Variants in TTC3 observed in about 807,000 individuals in gnomAD.
The protein encoded by TTC3 is E3 ubiquitin-protein ligase TTC3.
Under a neutral mutation model 249.6 loss-of-function variants are expected in TTC3, and 180 were observed. The observed-to-expected ratio is 0.72, with a 90% confidence interval of 0.64 to 0.82. The LOEUF (loss-of-function observed/expected upper bound fraction) is 0.82, where lower values mean the gene tolerates loss of function less well. TTC3 is among the 40% of genes least tolerant of loss of function. The pLI is 0.00. For missense variants in TTC3, 2,061 were observed against 2,398.4 expected (o/e 0.86, Z 2.94); for synonymous variants, 717 against 805.0 (o/e 0.89, Z 1.85).
chr21:37,111,483 C>A (rs1306569152), intron 11 of TTC3, among the ~76,000 whole-genome samples: 2 of 152,192 alleles, frequency 1.3e-5, no homozygotes, highest in African/African-American at 4.8e-5. Context: ...GGGATCAATT[C>A]AACAAGAAGA....
intron 35 of TTC3, among the ~76,000 whole-genome samples, chr21:37,174,660 A>G (rs1601986054): frequency 1.3e-5 from 2 of 152,166 alleles, no homozygotes; most frequent in African/African-American, 4.8e-5. Context: ...AGAGAACAGA[A>G]AAACAGGGAA....
At chr21:37,121,894 A>G (rs775847249) in exon 12 of TTC3, 18 of 1,613,294 alleles carry the variant, frequency 1.1e-5, no homozygotes, top group South Asian at 4.4e-5. Context: ...TAAAAGCTCA[A>G]AAACTCTGTA....
intron 1 of TTC3, among the ~76,000 whole-genome samples, chr21:37,079,187 T>C (rs2071277476): frequency 6.6e-6 from 1 of 152,212 alleles, no homozygotes; most frequent in African/African-American, 2.4e-5. Flanking sequence ...TATTTAGATT[T>C]TTGTGTCTGT....
intron 1 of TTC3, among the ~76,000 whole-genome samples, chr21:37,074,772 A>G (rs1470440074): frequency 6.6e-6 from 1 of 152,212 alleles, no homozygotes; most frequent in Admixed American, 6.5e-5. Flanking sequence ...CGATTGCTCA[A>G]GGTTTCGTGC....
At chr21:37,118,161 T>TA (rs535612442) in intron 11 of TTC3, among the ~76,000 whole-genome samples, 24 of 152,128 alleles carry the variant, frequency 1.6e-4, no homozygotes, top group African/African-American at 5.5e-4. Flanking sequence ...TATTAAAGGA[T>TA]AAACTTCAGG....
chr21:37,195,686 G>A, exon 42 of TTC3: 1 of 1,608,786 alleles, frequency 6.2e-7, no homozygotes, highest in Non-Finnish European at 8.5e-7. Context: ...TTCATCCCGA[G>A]TTACTCCCTG....
intron 44 of TTC3, among the ~76,000 whole-genome samples, 157 bp from the exon 45 acceptor site, chr21:37,200,074 TA>T (rs1052706215): frequency 5.3e-5 from 8 of 152,238 alleles, no homozygotes; most frequent in Non-Finnish European, 1.2e-4. Flanking sequence ...GAAATGCTAT[TA>T]AAAAATAAGT....
chr21:37,157,271 G>A, intron 28 of TTC3: 1 of 1,071,622 alleles, frequency 9.3e-7, no homozygotes, highest in Non-Finnish European at 1.3e-6. Context: ...AGTAGGTGAT[G>A]TTTGCAGAAT....
At chr21:37,186,511 T>G (rs9980353) in intron 37 of TTC3, among the ~76,000 whole-genome samples, 81,102 of 152,032 alleles carry the variant, frequency 0.53, 22,290 homozygotes, top group African/African-American at 0.64. Context: ...GTGCAGTCAT[T>G]GCTCACTGCA....
intron 29 of TTC3, among the ~76,000 whole-genome samples, chr21:37,160,339 C>T (rs573886215): frequency 6.6e-6 from 1 of 152,280 alleles, no homozygotes; most frequent in East Asian, 1.9e-4. Flanking sequence ...TAATCTGCTC[C>T]ATCAAATATT....
chr21:37,191,159 TA>T (rs1442912014), intron 39 of TTC3, among the ~76,000 whole-genome samples, 174 bp from the exon 40 acceptor site: 2 of 152,192 alleles, frequency 1.3e-5, no homozygotes, highest in Admixed American at 1.3e-4. Context: ...TAAAATTTTC[TA>T]AAGTGTCTCT....
At chr21:37,144,668 T>A (rs745664132) in intron 21 of TTC3, 23 bp downstream of exon 21, 8 of 1,598,488 alleles carry the variant, frequency 5.0e-6, no homozygotes, top group Non-Finnish European at 6.8e-6. Flanking sequence ...TTTTGCAGAG[T>A]GTTTCTTACT....
At chr21:37,172,510 T>C in intron 34 of TTC3, 85 bp from the exon 35 acceptor site, 1 of 1,416,818 alleles carries the variant, frequency 7.1e-7, no homozygotes, top group African/African-American at 1.5e-5. Context: ...CTCTCCTTTG[T>C]TTATTTTAAG....
At chr21:37,153,319 AG>A in intron 27 of TTC3, 42 bp downstream of exon 27, 8 of 1,530,600 alleles carry the variant, frequency 5.2e-6, no homozygotes, top group Non-Finnish European at 7.1e-6. Flanking sequence ...TTTAATACGA[AG>A]GGGAAGTGTA....
intron 1 of TTC3, among the ~76,000 whole-genome samples, chr21:37,073,708 G>A (rs982833899): frequency 5.3e-5 from 8 of 152,124 alleles, no homozygotes; most frequent in South Asian, 2.1e-4. Flanking sequence ...GTGCGTGGCT[G>A]ACACCTCCGC....
At chr21:37,186,881 C>T (rs2063571263) in intron 37 of TTC3, among the ~76,000 whole-genome samples, 168 bp from the exon 38 acceptor site, 1 of 152,204 alleles carries the variant, frequency 6.6e-6, no homozygotes, top group African/African-American at 2.4e-5. Context: ...ACAAAGAGCA[C>T]ACTTGAGCCT....
At chr21:37,083,362 G>A (rs914083044) in intron 1 of TTC3, 8 of 985,436 alleles carry the variant, frequency 8.1e-6, no homozygotes, top group African/African-American at 1.7e-5. Flanking sequence ...GGAAGCTGTT[G>A]CATGGTTTTA....
At chr21:37,093,495 C>T (rs889748918) in intron 7 of TTC3, 14 of 151,642 alleles carry the variant, frequency 9.2e-5, no homozygotes, top group African/African-American at 3.4e-4. Flanking sequence ...ATCCAAAATC[C>T]AAAACACTTC....
chr21:37,111,388 G>C (rs968004632), intron 11 of TTC3, among the ~76,000 whole-genome samples: 1 of 152,112 alleles, frequency 6.6e-6, no homozygotes, highest in African/African-American at 2.4e-5. Flanking sequence ...ACGAAAAAAG[G>C]CAGGGGTTGC....
Sources: allele counts gnomAD v4.1 joint callset (sites outside exome capture counted in the v4.1 genomes callset), GRCh38; gene constraint gnomAD v4.1.1; transcripts MANE v1.5; gene names NCBI Gene and HGNC (gene_info 2026-07-23, HGNC 2026-07-21).